PSMG4: variants seen among roughly 807,000 people sequenced by gnomAD.
The protein encoded by PSMG4 is proteasome (prosome, macropain) assembly chaperone 4.
A neutral mutation model predicts 11.0 loss-of-function variants in PSMG4; 10 were observed. The ratio of observed to expected loss-of-function variants is 0.91; its 90% CI spans 0.56 to 1.54. PSMG4 has a LOEUF of 1.54. Ranked by LOEUF, PSMG4 falls within the 40% of genes most tolerant of loss-of-function variation. PSMG4 has a pLI of 0.00. For missense variants in PSMG4, 198 were observed against 160.9 expected (o/e 1.23, Z -1.25); for synonymous variants, 95 against 71.3 (o/e 1.33, Z -1.68).
upstream of PSMG4, chr6:3,258,903 C>G: frequency 9.7e-7 from 1 of 1,035,544 alleles, no homozygotes; most frequent in Non-Finnish European, 1.2e-6. Context: ...CACCCCCGCC[C>G]TTCCGGGGCC....
intron 1 of PSMG4, among the ~76,000 whole-genome samples, chr6:3,260,547 A>G (rs1284938024): frequency 6.6e-6 from 1 of 152,054 alleles, no homozygotes; most frequent in Non-Finnish European, 1.5e-5. Flanking sequence ...TCGGCCTCCC[A>G]AAGGCAAGCA....
At chr6:3,258,753 C>G (rs1024371797), upstream of PSMG4, 7 of 320,774 alleles carry the variant, frequency 2.2e-5, no homozygotes, top group Non-Finnish European at 4.0e-5. Context: ...GTTTCCCCAG[C>G]CCGTCCAGAG....
intron 1 of PSMG4, among the ~76,000 whole-genome samples, chr6:3,259,397 C>T (rs1286831879): frequency 1.3e-5 from 2 of 152,238 alleles, no homozygotes; most frequent in East Asian, 3.8e-4. Context: ...CCCCGGGCCC[C>T]TCTCCTTGTC....
intron 1 of PSMG4, among the ~76,000 whole-genome samples, chr6:3,262,408 G>C (rs2127260648): frequency 6.6e-6 from 1 of 152,334 alleles, no homozygotes; most frequent in Middle Eastern, 3.4e-3. Context: ...TGTTGAACTT[G>C]AGGAATCTGT....
chr6:3,255,167 G>A (rs1561836887), upstream of PSMG4: 15 of 1,550,720 alleles, frequency 9.7e-6, no homozygotes, highest in Non-Finnish European at 6.1e-6. Context: ...CATACTGACG[G>A]CTTACATGTG....
intron 2 of PSMG4, chr6:3,267,045 C>T (rs1222732816): frequency 6.6e-6 from 1 of 151,884 alleles, no homozygotes; most frequent in African/African-American, 2.4e-5. Flanking sequence ...TTAGTAGAGA[C>T]GGGGTTTCAA....
At chr6:3,255,858 G>A (rs186185096), upstream of PSMG4, among the ~76,000 whole-genome samples, 1 of 73,054 alleles carries the variant, frequency 1.4e-5, no homozygotes, top group East Asian at 3.6e-4. Flanking sequence ...CATCTCACGT[G>A]AATGCAAATT....
chr6:3,254,808 G>C (rs998394833), upstream of PSMG4, among the ~76,000 whole-genome samples: 2 of 152,164 alleles, frequency 1.3e-5, no homozygotes, highest in Non-Finnish European at 2.9e-5. Flanking sequence ...AGAGCAACAA[G>C]ACACCAATTC....
At chr6:3,259,225 C>T (rs1402156986) in intron 1 of PSMG4, 29 bp downstream of exon 1, 1 of 1,182,694 alleles carries the variant, frequency 8.5e-7, no homozygotes, top group Non-Finnish European at 1.0e-6. Flanking sequence ...AGGGTGCGGG[C>T]GGCGGGGCGG....
At chr6:3,263,819 C>T (rs1437962784) in intron 2 of PSMG4, 60 bp downstream of exon 2, 2 of 1,523,582 alleles carry the variant, frequency 1.3e-6, no homozygotes, top group African/African-American at 2.8e-5. Flanking sequence ...TTTAATGGAA[C>T]CATGAAGCAA....
chr6:3,264,348 G>A (rs11757564), intron 2 of PSMG4: 1,215,158 of 1,543,604 alleles, frequency 0.79, 487,769 homozygotes, highest in Non-Finnish European at 0.83. Flanking sequence ...TGTGCTCTGC[G>A]ACCCCCAGCC....
chr6:3,264,755 AAGAT>A (rs1561843890), intron 2 of PSMG4: 1 of 155,182 alleles, frequency 6.4e-6, no homozygotes, highest in Non-Finnish European at 1.4e-5. Flanking sequence ...AGTTGCAAAG[AAGAT>A]AGAATTCCTG....
At chr6:3,260,287 A>ATTTTTT (rs1429987705) in intron 1 of PSMG4, among the ~76,000 whole-genome samples, 23 of 10,744 alleles carry the variant, frequency 2.1e-3, no homozygotes, top group Non-Finnish European at 6.2e-4. Flanking sequence ...GTATATATAT[A>ATTTTTT]TATATTTTTT....
Position 3,267,994 on chromosome 6 carries a change from T to A in PSMG4, c.*282T>A. 1 of 299,958 alleles carries A rather than the reference T, an allele frequency of 3.3e-6. No individual in the cohort carries two copies. Among genetic ancestry groups the A allele is most frequent in the Non-Finnish European group, 6.4e-6 (1 of 157,288 alleles). 18.6% of individuals were successfully genotyped at this position (299,958 alleles called of 1,614,324 possible). A position where few individuals can be genotyped will look rare whatever the true frequency, so the allele number is the denominator to read the frequency against. Reference sequence around the variant, plus strand: ...GAAGACTGTAATCTAAGAGTTTCAATCAGACATGACTGTGACGTGCATCCT... The same window carrying A: ...GAAGACTGTAATCTAAGAGTTTCAAACAGACATGACTGTGACGTGCATCCT... On this transcript the variant is annotated 3_prime_UTR_variant, in exon 3 of 3. Coordinates refer to ENST00000438998, the MANE Select transcript of PSMG4 (RefSeq NM_001128591.2).
At chr6:3,254,737 C>T (rs143475677), upstream of PSMG4, among the ~76,000 whole-genome samples, 47 of 152,202 alleles carry the variant, frequency 3.1e-4, no homozygotes, top group Middle Eastern at 3.4e-3. Flanking sequence ...ACAAACTCCC[C>T]CTGTGCCTCT....
At chr6:3,264,128 A>AGG in intron 2 of PSMG4, 1 of 1,532,356 alleles carries the variant, frequency 6.5e-7, no homozygotes, top group Non-Finnish European at 8.8e-7. Flanking sequence ...CCCGGGCCTT[A>AGG]GGAGGAGTCA....
intron 1 of PSMG4, among the ~76,000 whole-genome samples, chr6:3,260,013 C>T (rs1757917658): frequency 6.6e-6 from 1 of 152,052 alleles, no homozygotes; most frequent in African/African-American, 2.4e-5. Context: ...TATTATAGCT[C>T]ACTGTCACCT....
upstream of PSMG4, among the ~76,000 whole-genome samples, chr6:3,256,409 C>G (rs1406373744): frequency 6.6e-6 from 1 of 152,222 alleles, no homozygotes; most frequent in Admixed American, 6.5e-5. Context: ...TCGAGAAGGA[C>G]TGTGATGACA....
Position 3,267,612 on chromosome 6 carries a change from T to G in PSMG4, c.272T>G (p.Val91Gly). 6.4e-7 allele frequency: 1 copy of G among 1,551,676 alleles called. No individual in the cohort carries two copies. Among genetic ancestry groups the G allele is most frequent in the Non-Finnish European group, 8.7e-7 (1 of 1,146,952 alleles). The change falls in exon 3 of 3, where the codon GTG (valine) becomes GGG (glycine). Residue 91 changes from valine (V) to glycine (G), a missense_variant. Val to Gly is a moderately radical substitution (Grantham distance 109, BLOSUM62 -3). Transcript: ENST00000438998. ...QRLARKTNKQ[V>G]FVSYNLQNTD... Reference sequence around the variant, plus strand: ...TTAGCCAGGAAGACCAACAAACAGGTGTTTGTCAGCTATAACCTTCAGAAC... The same window carrying G: ...TTAGCCAGGAAGACCAACAAACAGGGGTTTGTCAGCTATAACCTTCAGAAC...
Sources: gnomAD v4.1 joint callset for allele counts (sites outside exome capture counted in the v4.1 genomes callset) on GRCh38, gnomAD v4.1.1 for gene constraint, MANE v1.5 for transcripts, NCBI Gene and HGNC (gene_info 2026-07-23, HGNC 2026-07-21) for gene names.